The following MPPED2 variants were observed in gnomAD, a reference collection of about 807,000 sequenced individuals.
The protein encoded by MPPED2 is metallophosphoesterase MPPED2.
A neutral mutation model predicts 33.0 loss-of-function variants in MPPED2; 5 were observed. That is an observed-to-expected ratio of 0.15 (90% CI 0.08 to 0.32). MPPED2 has a LOEUF of 0.32. MPPED2 is among the 10% of genes least tolerant of loss of function. MPPED2 has a pLI of 1.00. For synonymous variants in MPPED2, 136 were observed against 141.9 expected (o/e 0.96, Z 0.29); for missense variants, 275 against 372.1 (o/e 0.74, Z 2.15).
chr11:30,447,343 C>T (rs761501598), intron 4 of MPPED2, among the ~76,000 whole-genome samples: 31 of 152,202 alleles, frequency 2.0e-4, no homozygotes, highest in Admixed American at 9.2e-4. Context: ...TATCCACCTC[C>T]TTGTCGTGTC....
At chr11:30,467,405 T>A (rs2134035860) in intron 4 of MPPED2, among the ~76,000 whole-genome samples, 1 of 152,280 alleles carries the variant, frequency 6.6e-6, no homozygotes, top group Admixed American at 6.5e-5. Flanking sequence ...CTGTGTGATG[T>A]CCCAAATCAT....
At chr11:30,564,561 G>T (rs1196654585) in intron 2 of MPPED2, among the ~76,000 whole-genome samples, 1 of 152,184 alleles carries the variant, frequency 6.6e-6, no homozygotes, top group African/African-American at 2.4e-5. Context: ...TGCACAGAGA[G>T]TAAGAGGGAG....
Position 30,585,767 on chromosome 11 carries a change from TA to T in MPPED2, c.-122+274del, listed in dbSNP as rs563122218. ...GGGGAGTCGGAGGGAAGACACCTCC[TA>T]AAAAAGAATTTGCTTTCGCTCAGGG... is the stretch of plus-strand genomic sequence containing the variant. On this transcript the variant is annotated intron_variant, in intron 1 of 6. Transcript: ENST00000358117. 9.2e-5 allele frequency among the ~76,000 whole-genome samples: 14 copies of T among 152,136 alleles called. No individual in the cohort carries two copies. In the South Asian group the frequency reaches 2.7e-3, roughly 29 times the overall value.
At chr11:30,389,295 T>C (rs1376071670) in intron 6 of MPPED2, among the ~76,000 whole-genome samples, 1 of 152,112 alleles carries the variant, frequency 6.6e-6, no homozygotes, top group African/African-American at 2.4e-5. Flanking sequence ...CTACAAGAGA[T>C]AGGATATGAG....
At chr11:30,433,852 G>A (rs527253510) in intron 4 of MPPED2, among the ~76,000 whole-genome samples, 5 of 152,142 alleles carry the variant, frequency 3.3e-5, no homozygotes. Flanking sequence ...TTATCTTATA[G>A]TTCTGAAAGT....
intron 6 of MPPED2, among the ~76,000 whole-genome samples, chr11:30,412,464 G>A (rs189659291): frequency 2.0e-5 from 3 of 151,816 alleles, no homozygotes; most frequent in Admixed American, 6.6e-5. Flanking sequence ...GGCTCTTATC[G>A]CATATAAAAA....
intron 4 of MPPED2, among the ~76,000 whole-genome samples, chr11:30,473,176 G>A (rs1236910125): frequency 6.6e-6 from 1 of 152,022 alleles, no homozygotes; most frequent in Non-Finnish European, 1.5e-5. Flanking sequence ...GACATTTTTT[G>A]GCTGATTCTC....
chr11:30,442,596 C>G (rs1949627783), intron 4 of MPPED2, among the ~76,000 whole-genome samples: 1 of 152,214 alleles, frequency 6.6e-6, no homozygotes, highest in Non-Finnish European at 1.5e-5. Context: ...AGCTATCGAA[C>G]AGTGGCTACA....
Position 30,417,627 on chromosome 11 carries a change from CGG to C in MPPED2, c.541_542del (p.Pro181ValfsTer3). ...GFRIYGAPWTPWFNGWGFNLP... is the reference protein window; with the variant it reads ...GFRIYGAPWTXWFNGWGFNLP... Reference sequence around the variant, plus strand: ...GGTTAAAGCCCCATCCATTAAACCACGGGGTCCTTTGGGGGAGATAATGCACA... The same window carrying C: ...GGTTAAAGCCCCATCCATTAAACCACGGTCCTTTGGGGGAGATAATGCACA... On this transcript the variant is annotated frameshift_variant, in exon 5 of 7. Coordinates refer to ENST00000358117, the MANE Select transcript of MPPED2 (RefSeq NM_001584.3). LOFTEE classifies it high-confidence loss of function. The C allele has an allele frequency of 6.2e-7, 1 of 1,606,934 alleles. No homozygotes were observed. The highest frequency in any genetic ancestry group is 8.5e-7 in the Non-Finnish European group (1 of 1,173,930).
intron 2 of MPPED2, among the ~76,000 whole-genome samples, chr11:30,539,384 C>T (rs1001719660): frequency 1.3e-5 from 2 of 152,076 alleles, no homozygotes; most frequent in Non-Finnish European, 2.9e-5. Flanking sequence ...AATCTAAACC[C>T]CAGAGCCAGA....
At chr11:30,499,091 C>T (rs1168081989) in intron 3 of MPPED2, among the ~76,000 whole-genome samples, 1 of 152,136 alleles carries the variant, frequency 6.6e-6, no homozygotes, top group Non-Finnish European at 1.5e-5. Flanking sequence ...CCAAAGCAGC[C>T]ATCACAAAAT....
intron 3 of MPPED2, among the ~76,000 whole-genome samples, chr11:30,523,976 C>T (rs762052811): frequency 1.3e-5 from 2 of 152,034 alleles, no homozygotes; most frequent in East Asian, 1.9e-4. Flanking sequence ...AGGGGCTGGG[C>T]GCGGTGGCTC....
At chr11:30,532,202 C>T (rs985533619) in intron 3 of MPPED2, among the ~76,000 whole-genome samples, 3 of 152,186 alleles carry the variant, frequency 2.0e-5, no homozygotes, top group African/African-American at 7.2e-5. Flanking sequence ...CCCATCCTGC[C>T]CCATCCAAAT....
At chr11:30,542,459 CAAAAAAAAAAAAAAA>C (rs59474313) in intron 2 of MPPED2, among the ~76,000 whole-genome samples, 2 of 77,800 alleles carry the variant, frequency 2.6e-5, no homozygotes, top group African/African-American at 1.1e-4. Context: ...ACCAAAAGTA[CAAAAAAAAAAAAAAA>C]AAAAAAAAAG....
At chr11:30,507,130 A>G (rs1333141921) in intron 3 of MPPED2, among the ~76,000 whole-genome samples, 2 of 152,252 alleles carry the variant, frequency 1.3e-5, no homozygotes, top group Non-Finnish European at 2.9e-5. Flanking sequence ...ATCAATTTAC[A>G]TGGTACTTTT....
At chr11:30,392,483 T>G (rs1455616517) in intron 6 of MPPED2, among the ~76,000 whole-genome samples, 5 of 152,232 alleles carry the variant, frequency 3.3e-5, no homozygotes, top group African/African-American at 1.2e-4. Context: ...AGCCAGGGCT[T>G]AAAATACAAC....
intron 4 of MPPED2, among the ~76,000 whole-genome samples, chr11:30,468,279 CTT>C (rs1224427478): frequency 7.0e-6 from 1 of 142,466 alleles, no homozygotes; most frequent in African/African-American, 2.5e-5. Context: ...CTCTCTCTCT[CTT>C]TCAATATGCA....
intron 6 of MPPED2, among the ~76,000 whole-genome samples, chr11:30,392,387 A>G (rs142799984): frequency 1.8e-4 from 28 of 152,356 alleles, no homozygotes; most frequent in African/African-American, 5.3e-4. Flanking sequence ...TGAGTTTTTC[A>G]GTTCCACTGA....
At position 30,495,277 on chromosome 11, in the gene MPPED2, T is replaced by G; in HGVS notation, c.536+19A>C. ...TGAGCTAAAAAGCAATGTGGAAAAC[T>G]GTTTGAATCATCACTTACCAAGGTG... On this transcript the variant is annotated intron_variant, in intron 4 of 6. Transcript: ENST00000358117. 1 of 1,560,618 alleles carries G rather than the reference T, an allele frequency of 6.4e-7. No homozygotes were observed. Among genetic ancestry groups the G allele is most frequent in the Non-Finnish European group, 8.8e-7 (1 of 1,131,480 alleles).
Sources: allele counts gnomAD v4.1 joint callset (sites outside exome capture counted in the v4.1 genomes callset), GRCh38; gene constraint gnomAD v4.1.1; transcripts MANE v1.5; gene names NCBI Gene and HGNC (gene_info 2026-07-23, HGNC 2026-07-21).